The following ATRNL1 variants were observed in gnomAD, a reference collection of about 807,000 sequenced individuals.
ATRNL1 encodes the protein attractin-like protein 1.
In ATRNL1, 95 loss-of-function variants were observed where a neutral mutation model predicts 182.7. The ratio of observed to expected loss-of-function variants is 0.52; its 90% CI spans 0.44 to 0.62. The LOEUF is 0.62. Among genes scored for constraint, ATRNL1 ranks in the 20% least tolerant of loss-of-function variants. The pLI, the probability that ATRNL1 is intolerant of heterozygous loss-of-function variation, is 0.00. For synonymous variants in ATRNL1, 576 were observed against 568.3 expected (o/e 1.01, Z -0.19); for missense variants, 1,471 against 1,679.5 (o/e 0.88, Z 2.17).
At chr10:115,511,944 A>G (rs1850407263) in intron 24 of ATRNL1, among the ~76,000 whole-genome samples, 1 of 151,842 alleles carries the variant, frequency 6.6e-6, no homozygotes, top group Non-Finnish European at 1.5e-5. Context: ...TTGTGTCACT[A>G]ATCAGTCTTT....
intron 25 of ATRNL1, among the ~76,000 whole-genome samples, chr10:115,540,142 TAA>T: frequency 6.6e-6 from 1 of 150,952 alleles, no homozygotes; most frequent in Admixed American, 6.6e-5. Context: ...AATAAATAAA[TAA>T]ATAAATAAAT....
chr10:115,617,248 G>T (rs563093449), intron 26 of ATRNL1, among the ~76,000 whole-genome samples: 1 of 152,338 alleles, frequency 6.6e-6, no homozygotes, highest in East Asian at 1.9e-4. Flanking sequence ...TTTCAGACTT[G>T]CATGGGGCCT....
At chr10:115,486,470 TTTTG>T (rs1554975179) in intron 24 of ATRNL1, among the ~76,000 whole-genome samples, 10 of 152,080 alleles carry the variant, frequency 6.6e-5, no homozygotes, top group Admixed American at 1.3e-4. Flanking sequence ...CTCATTGTGG[TTTTG>T]ATTTGCATTT....
chr10:115,315,719 CCTT>C lies in ATRNL1; in HGVS notation c.3021_3023del (p.Phe1008del), dbSNP rs1265407508. 6.2e-7 allele frequency: 1 copy of C among 1,612,516 alleles called. No homozygotes were observed. The highest frequency in any genetic ancestry group is 1.3e-5 in the African/African-American group (1 of 74,836). ...CCCAAAGAAAAGAACTATGAGTGGT[CCTT>C]TATCCAGTGTCCAGGTAATAATAAT... is the stretch of plus-strand genomic sequence containing the variant. On this transcript the variant is annotated inframe_deletion, in exon 18 of 29. Transcript: ENST00000355044.
chr10:115,775,862 G>A (rs2134177188), intron 27 of ATRNL1, among the ~76,000 whole-genome samples: 1 of 151,758 alleles, frequency 6.6e-6, no homozygotes. Context: ...GGAGGCTGAG[G>A]CAGGAGAATT....
chr10:115,860,784 A>C (rs782345318), intron 28 of ATRNL1, among the ~76,000 whole-genome samples: 2 of 152,140 alleles, frequency 1.3e-5, no homozygotes, highest in Non-Finnish European at 2.9e-5. Context: ...CTGCAATTTG[A>C]TTCCATTTTC....
chr10:115,708,359 C>G (rs1331864714), intron 26 of ATRNL1, among the ~76,000 whole-genome samples: 2 of 151,492 alleles, frequency 1.3e-5, no homozygotes, highest in Admixed American at 6.6e-5. Flanking sequence ...CTTCTTTTCC[C>G]TGAGAAAATT....
chr10:115,220,189 T>C (rs1849398183), intron 9 of ATRNL1, among the ~76,000 whole-genome samples: 1 of 152,182 alleles, frequency 6.6e-6, no homozygotes, highest in African/African-American at 2.4e-5. Flanking sequence ...TCTTCAGCAA[T>C]AGGCAGGATC....
chr10:115,150,264 A>G (rs1309012400), intron 5 of ATRNL1, among the ~76,000 whole-genome samples: 2 of 151,198 alleles, frequency 1.3e-5, no homozygotes, highest in Non-Finnish European at 2.9e-5. Context: ...TAATCTAGCA[A>G]GTGGTTTATT....
chr10:115,512,773 A>G lies in ATRNL1; in HGVS notation c.3655-6490A>G, dbSNP rs145826236. On this transcript the variant is annotated intron_variant, in intron 24 of 28. Transcript: ENST00000355044. ...GAAAAGCATAGTTTTATACAATACT[A>G]TAGAGTAAGGGGGTGGTAAATTACT... Among the ~76,000 whole-genome samples the G allele has an allele frequency of 2.8e-3, 432 of 152,078 alleles. 3 individuals are homozygous for G. The highest frequency in any genetic ancestry group is 9.8e-3 in the African/African-American group (405 of 41,536).
chr10:115,822,064 A>G (rs1950313228), intron 27 of ATRNL1, among the ~76,000 whole-genome samples: 1 of 152,198 alleles, frequency 6.6e-6, no homozygotes, highest in Non-Finnish European at 1.5e-5. Flanking sequence ...AAAAATGGAA[A>G]TCATAACAAA....
intron 8 of ATRNL1, among the ~76,000 whole-genome samples, chr10:115,172,067 T>C (rs570555692): frequency 1.3e-5 from 2 of 152,036 alleles, no homozygotes; most frequent in Non-Finnish European, 2.9e-5. Flanking sequence ...TGTGCAGTCT[T>C]AATGAGAAAA....
chr10:115,171,877 A>G (rs1468888907), intron 8 of ATRNL1, among the ~76,000 whole-genome samples: 3 of 152,008 alleles, frequency 2.0e-5, no homozygotes, highest in Non-Finnish European at 4.4e-5. Flanking sequence ...AATTATTTAT[A>G]ACATTTTTAA....
chr10:115,718,754 A>G (rs1394277578), intron 26 of ATRNL1, among the ~76,000 whole-genome samples: 3 of 152,202 alleles, frequency 2.0e-5, no homozygotes, highest in Non-Finnish European at 2.9e-5. Flanking sequence ...TTTTGCATAT[A>G]TGGAGGTGTT....
chr10:115,374,967 TTA>T (rs1392678102), intron 19 of ATRNL1, among the ~76,000 whole-genome samples: 2 of 151,870 alleles, frequency 1.3e-5, no homozygotes, highest in Non-Finnish European at 2.9e-5. Context: ...GGAATGTTTT[TTA>T]TATGTCTTTT....
intron 28 of ATRNL1, among the ~76,000 whole-genome samples, chr10:115,930,489 G>A (rs1953362650): frequency 6.6e-6 from 1 of 152,104 alleles, no homozygotes; most frequent in Non-Finnish European, 1.5e-5. Context: ...CAACAGCCAG[G>A]CAATTCAGCC....
At chr10:115,825,991 C>A (rs1224712798) in intron 27 of ATRNL1, among the ~76,000 whole-genome samples, 9 of 152,052 alleles carry the variant, frequency 5.9e-5, no homozygotes, top group African/African-American at 2.2e-4. Flanking sequence ...TATATGTAGA[C>A]ATGGGATTTT....
chr10:115,206,694 T>C (rs1238388509), intron 8 of ATRNL1, among the ~76,000 whole-genome samples: 2 of 152,166 alleles, frequency 1.3e-5, no homozygotes, highest in Non-Finnish European at 2.9e-5. Flanking sequence ...AATATTCTTT[T>C]TTTAAATTAT....
rs1847269874 is a variant in ATRNL1, at chr10:115,171,049, A to T, written c.1105A>T (p.Met369Leu). Residue 369 changes from methionine (M) to leucine (L), a missense_variant, in exon 8 of 29, where the codon ATG becomes TTG. Transcript: ENST00000355044. ...SLALYQENIF[M>L]YGGRIETNDG... ...TTTTAATTTACAGGAAAACATCTTT[A>T]TGTATGGAGGCAGAATTGAAACAAA... 1 of 1,554,274 alleles carries T rather than the reference A, an allele frequency of 6.4e-7. No homozygotes were observed. Among genetic ancestry groups the T allele is most frequent in the African/African-American group, 1.4e-5 (1 of 73,840 alleles).
Sources: allele counts gnomAD v4.1 joint callset (sites outside exome capture counted in the v4.1 genomes callset), GRCh38; gene constraint gnomAD v4.1.1; transcripts MANE v1.5; gene names NCBI Gene and HGNC (gene_info 2026-07-23, HGNC 2026-07-21).